SF3A3: variants seen among roughly 807,000 people sequenced by gnomAD.
The protein encoded by SF3A3 is splicing factor 3a subunit 3.
Under a neutral mutation model 85.8 loss-of-function variants are expected in SF3A3, and 9 were observed. The ratio of observed to expected loss-of-function variants is 0.10; its 90% CI spans 0.06 to 0.18. The LOEUF is 0.18. SF3A3 is among the 10% of genes least tolerant of loss of function. The pLI is 1.00. For synonymous variants in SF3A3, 195 were observed against 204.4 expected, an observed-to-expected ratio of 0.95 and a Z score of 0.39; for missense variants, 306 against 593.3, an observed-to-expected ratio of 0.52 and a Z score of 5.03.
At chr1:37,976,012 C>A (rs906270834) in intron 12 of SF3A3, among the ~76,000 whole-genome samples, 1 of 152,028 alleles carries the variant, frequency 6.6e-6, no homozygotes, top group African/African-American at 2.4e-5. Flanking sequence ...AAAAACTAGT[C>A]GGGCGTGGTG....
intron 15 of SF3A3, among the ~76,000 whole-genome samples, chr1:37,960,929 A>C (rs910597753): frequency 4.8e-4 from 73 of 152,290 alleles, no homozygotes; most frequent in African/African-American, 1.5e-3. Flanking sequence ...CTGGGATTAC[A>C]GGCATGAGCC....
At chr1:37,987,945 G>T in intron 2 of SF3A3, 109 bp from the exon 3 acceptor site, 1 of 858,086 alleles carries the variant, frequency 1.2e-6, no homozygotes, top group South Asian at 1.3e-5. Context: ...CAAGAGACAT[G>T]GATATGAGAT....
At position 37,960,441 on chromosome 1, in the gene SF3A3, G is replaced by A. The variant is rs531892838; in HGVS notation, c.1373-266C>T. The A allele has an allele frequency of 3.3e-4, 143 of 429,562 alleles. 1 individual carries two copies. In the South Asian group the frequency reaches 6.6e-3, roughly 20 times the overall value. The allele number at this position is 429,562 out of a possible 1,614,324, so 26.6% of individuals were successfully genotyped here. A position where few individuals can be genotyped will look rare whatever the true frequency, so the allele number is the denominator to read the frequency against. ...CGAAAACAGAGAAACTGATACTCTT[G>A]AAGGAGGTTAATGTGGAACAACCTA... On this transcript the variant is annotated intron_variant, in intron 15 of 16. Transcript: ENST00000373019.
At position 37,976,986 on chromosome 1, in the gene SF3A3, G is replaced by C. The variant is rs756698412; in HGVS notation, c.936-33C>G. 5.0e-5 allele frequency: 74 copies of C among 1,476,812 alleles called. No individual in the cohort carries two copies. The Admixed American group carries it at 1.2e-3, about 25-fold the overall frequency. 91.5% of individuals were successfully genotyped at this position (1,476,812 alleles called of 1,614,324 possible). ...AAAGAAACAAGCTGTTTCACTCAAGGATTCTCTCATCCATTGTTTTGTTCC... is the reference window on the plus strand; with the variant it reads ...AAAGAAACAAGCTGTTTCACTCAAGCATTCTCTCATCCATTGTTTTGTTCC... On this transcript the variant is annotated intron_variant, in intron 11 of 16. Coordinates refer to ENST00000373019, the MANE Select transcript of SF3A3 (RefSeq NM_006802.4).
intron 8 of SF3A3, 30 bp downstream of exon 8, chr1:37,980,556 G>A (rs1372515599): frequency 5.0e-6 from 8 of 1,607,604 alleles, no homozygotes; most frequent in Non-Finnish European, 6.8e-6. Context: ...TCCCTGGCAT[G>A]TCCACCATTC....
chr1:37,965,952 G>A (rs1010423848), intron 15 of SF3A3, among the ~76,000 whole-genome samples: 7 of 152,144 alleles, frequency 4.6e-5, no homozygotes, highest in African/African-American at 1.2e-4. Flanking sequence ...TGTAATCCCA[G>A]TACTTTGGGA....
At chr1:37,986,446 G>A (rs992627640) in intron 4 of SF3A3, among the ~76,000 whole-genome samples, 3 of 152,138 alleles carry the variant, frequency 2.0e-5, no homozygotes, top group Non-Finnish European at 4.4e-5. Context: ...ACCACCTGGA[G>A]TGGTCATGTG....
chr1:37,980,294 C>T (rs190235886), intron 8 of SF3A3, among the ~76,000 whole-genome samples: 36 of 152,090 alleles, frequency 2.4e-4, no homozygotes, highest in Admixed American at 1.7e-3. Context: ...TGTGGAGGCG[C>T]GTGCCTGTAA....
intron 8 of SF3A3, among the ~76,000 whole-genome samples, chr1:37,980,074 T>G (rs1372024149): frequency 6.6e-6 from 1 of 151,970 alleles, no homozygotes; most frequent in African/African-American, 2.4e-5. Flanking sequence ...GGTGAAAATC[T>G]GGGCACAGTC....
intron 15 of SF3A3, among the ~76,000 whole-genome samples, chr1:37,966,935 CAAAAAAAAA>C (rs11394683): frequency 8.5e-4 from 12 of 14,170 alleles, no homozygotes; most frequent in African/African-American, 6.9e-3. Context: ...AACTCCATCT[CAAAAAAAAA>C]AAAAAAAAAA....
intron 12 of SF3A3, among the ~76,000 whole-genome samples, chr1:37,972,590 G>A (rs1480554858): frequency 6.6e-6 from 1 of 152,180 alleles, no homozygotes; most frequent in Admixed American, 6.5e-5. Flanking sequence ...AAAGAACAAA[G>A]CTGGAGGCAT....
intron 16 of SF3A3, among the ~76,000 whole-genome samples, chr1:37,959,164 G>A (rs978415601): frequency 6.2e-5 from 9 of 146,150 alleles, no homozygotes; most frequent in Non-Finnish European, 1.2e-4. Flanking sequence ...CTGCACCCTC[G>A]ACAGCCTGGG....
intron 4 of SF3A3, among the ~76,000 whole-genome samples, chr1:37,986,190 G>A (rs1025400133): frequency 6.6e-6 from 1 of 151,712 alleles, no homozygotes; most frequent in South Asian, 2.1e-4. Context: ...TCAGATGATC[G>A]ACCCGCCTCG....
Position 37,984,154 on chromosome 1 carries a change from T to C in SF3A3, c.468+15A>G, listed in dbSNP as rs775554350. ...TTCGAGAATCAGAACCTCTCTGCCC[T>C]TTCCCAGGCCTTACCTCAGATGCCT... On this transcript the variant is annotated intron_variant, in intron 6 of 16. Coordinates refer to ENST00000373019, the MANE Select transcript of SF3A3 (RefSeq NM_006802.4). 1 of 1,511,806 alleles carries C rather than the reference T, an allele frequency of 6.6e-7. No individual in the cohort carries two copies. The highest frequency in any genetic ancestry group is 1.1e-5 in the South Asian group (1 of 87,036). 93.6% of individuals were successfully genotyped at this position (1,511,806 alleles called of 1,614,324 possible). A position where few individuals can be genotyped will look rare whatever the true frequency, so the allele number is the denominator to read the frequency against.
intron 12 of SF3A3, among the ~76,000 whole-genome samples, chr1:37,973,956 T>A (rs1271035301): frequency 6.6e-6 from 1 of 152,100 alleles, no homozygotes; most frequent in Non-Finnish European, 1.5e-5. Context: ...CTAGAAACCA[T>A]CATTCTGAGC....
At chr1:37,989,732 A>T (rs1361777008) in intron 1 of SF3A3, 137 bp from the exon 2 acceptor site, 2 of 1,230,760 alleles carry the variant, frequency 1.6e-6, no homozygotes, top group Non-Finnish European at 2.3e-6. Context: ...CCCCGGGAGG[A>T]GGTTACCAAG....
At chr1:37,964,341 C>T (rs899196413) in intron 15 of SF3A3, among the ~76,000 whole-genome samples, 1 of 150,932 alleles carries the variant, frequency 6.6e-6, no homozygotes, top group African/African-American at 2.4e-5. Flanking sequence ...TTAAGACACA[C>T]GTGTTGTAAT....
rs562731241 is a variant in SF3A3, at chr1:37,961,759, C to CAGAA, written c.1373-1585_1373-1584insTTCT. Among the ~76,000 whole-genome samples the CAGAA allele has an allele frequency of 3.4e-4, 13 of 37,808 alleles. 1 individual carries two copies. Among genetic ancestry groups the CAGAA allele is most frequent in the Non-Finnish European group, 4.9e-4 (11 of 22,638 alleles). 24.8% of individuals were successfully genotyped at this position (37,808 alleles called of 152,430 possible). ...AGCCTGGGTGACAAAGCAAGACTGC[C>CAGAA]AAAAAAAAAAAAAAAAAAAAAAAAG... On this transcript the variant is annotated intron_variant, in intron 15 of 16. Coordinates refer to ENST00000373019, the MANE Select transcript of SF3A3 (RefSeq NM_006802.4).
At chr1:37,959,354 T>C (rs1646241425) in intron 16 of SF3A3, among the ~76,000 whole-genome samples, 1 of 152,088 alleles carries the variant, frequency 6.6e-6, no homozygotes, top group Non-Finnish European at 1.5e-5. Flanking sequence ...GCTGGGATTA[T>C]GGGCATGAAC....
Sources: gnomAD v4.1 joint callset for allele counts (sites outside exome capture counted in the v4.1 genomes callset) on GRCh38, gnomAD v4.1.1 for gene constraint, MANE v1.5 for transcripts, NCBI Gene and HGNC (gene_info 2026-07-23, HGNC 2026-07-21) for gene names.